ABHD13: variants seen among roughly 807,000 people sequenced by gnomAD.
ABHD13 encodes protein ABHD13.
Under a neutral mutation model 25.2 loss-of-function variants are expected in ABHD13, and 7 were observed. The ratio of observed to expected loss-of-function variants is 0.28; its 90% CI spans 0.16 to 0.52. The LOEUF (loss-of-function observed/expected upper bound fraction) is 0.52. Among genes scored for constraint, ABHD13 ranks in the 20% least tolerant of loss-of-function variants. The pLI is 0.96. For synonymous variants in ABHD13, 133 were observed against 136.1 expected (o/e 0.98, Z 0.16); for missense variants, 302 against 402.7 (o/e 0.75, Z 2.14).
rs1008132034 is a variant in ABHD13, at chr13:108,233,478, C to T, written c.*3246C>T. 6.0e-6 allele frequency: 1 copy of T among 166,134 alleles called. No homozygotes were observed. Among genetic ancestry groups the T allele is most frequent in the African/African-American group, 2.4e-5 (1 of 41,298 alleles). The allele number at this position is 166,134 out of a possible 1,614,324, so 10.3% of individuals were successfully genotyped here. A position where few individuals can be genotyped will look rare whatever the true frequency, so the allele number is the denominator to read the frequency against. ...ATTAAGTCATGATTGAGATACTGAA[C>T]TCTTCCACTCATTCTTCTTTCCCAT... On this transcript the variant is annotated 3_prime_UTR_variant, in exon 2 of 2. Transcript: ENST00000375898.
At chr13:108,221,302 T>C (rs1443586791) in intron 1 of ABHD13, among the ~76,000 whole-genome samples, 1 of 152,238 alleles carries the variant, frequency 6.6e-6, no homozygotes, top group Non-Finnish European at 1.5e-5. Flanking sequence ...AACACCTTGA[T>C]AGCAGCTATT....
Position 108,231,773 on chromosome 13 carries a change from A to G in ABHD13, c.*1541A>G, listed in dbSNP as rs1303644892. Reference sequence around the variant, plus strand: ...TTAATTTAAAACTTTCAATGGAGATAGGGCTAGAAATACTTTTGCCAAATA... The same window carrying G: ...TTAATTTAAAACTTTCAATGGAGATGGGGCTAGAAATACTTTTGCCAAATA... On this transcript the variant is annotated 3_prime_UTR_variant, in exon 2 of 2. Coordinates refer to ENST00000375898, the MANE Select transcript of ABHD13 (RefSeq NM_032859.3). The G allele has an allele frequency of 4.2e-5, 7 of 166,866 alleles. No individual in the cohort carries two copies. The highest frequency in any genetic ancestry group is 7.4e-5 in the Non-Finnish European group (5 of 67,966). 10.3% of individuals were successfully genotyped at this position (166,866 alleles called of 1,614,324 possible).
At chr13:108,219,009 T>TA (rs1226974902) in intron 1 of ABHD13, among the ~76,000 whole-genome samples, 1 of 152,154 alleles carries the variant, frequency 6.6e-6, no homozygotes, top group Non-Finnish European at 1.5e-5. Flanking sequence ...AAACGTATCT[T>TA]AGTGTTCTAT....
At chr13:108,220,284 T>C (rs902181375) in intron 1 of ABHD13, among the ~76,000 whole-genome samples, 1 of 152,046 alleles carries the variant, frequency 6.6e-6, no homozygotes, top group Non-Finnish European at 1.5e-5. Context: ...ACTGCCCTCT[T>C]CTTGGGCACA....
chr13:108,229,734 G>T lies in ABHD13; in HGVS notation c.516G>T (p.Val172=), dbSNP rs1193801746. The change falls in exon 2 of 2, where the codon GTG becomes GTT. Residue 172 remains valine (V), a synonymous_variant. Transcript: ENST00000375898. The surrounding 1 kb of genome is among the most constrained non-coding windows in gnomAD (Gnocchi z 4.7). ...EEGLYLDSEA[V]LDYVMTRPDL... ...GACTCTACTTAGATTCTGAAGCTGT[G>T]TTAGACTACGTGATGACTAGACCTG... is the stretch of plus-strand genomic sequence containing the variant. The T allele has an allele frequency of 6.2e-7, 1 of 1,613,316 alleles. No individual in the cohort carries two copies. Among genetic ancestry groups the T allele is most frequent in the South Asian group, 1.1e-5 (1 of 91,070 alleles).
intron 1 of ABHD13, among the ~76,000 whole-genome samples, chr13:108,228,291 A>G (rs948774810): frequency 2.6e-5 from 4 of 151,904 alleles, no homozygotes; most frequent in Non-Finnish European, 4.4e-5. Context: ...TCTGTTTCTC[A>G]GAGGATTTCT....
At chr13:108,223,977 T>C (rs1220372459) in intron 1 of ABHD13, among the ~76,000 whole-genome samples, 1 of 152,196 alleles carries the variant, frequency 6.6e-6, no homozygotes, top group Non-Finnish European at 1.5e-5. Flanking sequence ...TGGAAAGTAA[T>C]AGAGATTCTT....
At chr13:108,221,771 T>C (rs570586048) in intron 1 of ABHD13, among the ~76,000 whole-genome samples, 1 of 152,206 alleles carries the variant, frequency 6.6e-6, no homozygotes, top group Non-Finnish European at 1.5e-5. Context: ...TGCACTTTTT[T>C]GTATTTTTAA....
At chr13:108,219,330 C>T (rs1306850416) in intron 1 of ABHD13, among the ~76,000 whole-genome samples, 1 of 151,818 alleles carries the variant, frequency 6.6e-6, no homozygotes, top group Admixed American at 6.5e-5. Context: ...GGTATCGAAA[C>T]CAAAAAAAAG....
chr13:108,226,435 T>G (rs573263122), intron 1 of ABHD13, among the ~76,000 whole-genome samples: 1 of 152,188 alleles, frequency 6.6e-6, no homozygotes, highest in Non-Finnish European at 1.5e-5. Context: ...TCAGTCCAGA[T>G]GTAGCTCATC....
rs1310650483 is a variant in ABHD13, at chr13:108,232,980, A to G, written c.*2748A>G. On this transcript the variant is annotated 3_prime_UTR_variant, in exon 2 of 2. Coordinates refer to ENST00000375898, the MANE Select transcript of ABHD13 (RefSeq NM_032859.3). ...TTAATGAGATTGGTGAAAGGAAATC[A>G]TGCAAAACATTTGAATGCAAAGCAT... 1 of 166,926 alleles carries G rather than the reference A, an allele frequency of 6.0e-6. No individual in the cohort carries two copies. Among genetic ancestry groups the G allele is most frequent in the East Asian group, 1.9e-4 (1 of 5,204 alleles). The allele number at this position is 166,926 out of a possible 1,614,324, so 10.3% of individuals were successfully genotyped here.
rs557743245 is a variant in ABHD13 at position 108,230,520 on chromosome 13, G to T, written c.*288G>T. 2.9e-4 allele frequency: 70 copies of T among 242,440 alleles called. No individual in the cohort carries two copies. Among genetic ancestry groups the T allele is most frequent in the Non-Finnish European group, 5.2e-4 (60 of 116,124 alleles). 15.0% of individuals were successfully genotyped at this position (242,440 alleles called of 1,614,324 possible). A position where few individuals can be genotyped will look rare whatever the true frequency, so the allele number is the denominator to read the frequency against. ...TGTTCAAAAGTTTCTTGTTGCTAAA[G>T]TGGTGTAATCTGTTACACAGATGAA... On this transcript the variant is annotated 3_prime_UTR_variant, in exon 2 of 2. Transcript: ENST00000375898.
rs193072720 is a variant in ABHD13, at chr13:108,225,139, A to C, written c.-20-4060A>C. Among the ~76,000 whole-genome samples the C allele has an allele frequency of 1.7e-4, 26 of 152,302 alleles. No homozygotes were observed. The East Asian group carries it at 5.0e-3, about 29-fold the overall frequency. On this transcript the variant is annotated intron_variant, in intron 1 of 1. Coordinates refer to ENST00000375898, the MANE Select transcript of ABHD13 (RefSeq NM_032859.3). ...AGCTACATATCCTGGGTTTTTAAAAAATGTATTTGTTTACACATCATGCTT... is the reference window on the plus strand; with the variant it reads ...AGCTACATATCCTGGGTTTTTAAAACATGTATTTGTTTACACATCATGCTT...
At chr13:108,220,958 T>G (rs183876520) in intron 1 of ABHD13, among the ~76,000 whole-genome samples, 14 of 152,372 alleles carry the variant, frequency 9.2e-5, no homozygotes, top group African/African-American at 3.4e-4. Flanking sequence ...GTTTTAAACA[T>G]TTCAGATATT....
At position 108,228,971 on chromosome 13, in the gene ABHD13, A is replaced by G. The variant is rs141774392; in HGVS notation, c.-20-228A>G. On this transcript the variant is annotated intron_variant, in intron 1 of 1. Coordinates refer to ENST00000375898, the MANE Select transcript of ABHD13 (RefSeq NM_032859.3). ...CACTTGTTAAAAATGAGTTAATTTG[A>G]AGAATATTAGTGTTTCCTAAATATG... Among the ~76,000 whole-genome samples, 342 of 152,096 alleles carry G rather than the reference A, an allele frequency of 2.2e-3. 1 individual carries two copies. Among genetic ancestry groups the G allele is most frequent in the African/African-American group, 7.9e-3 (327 of 41,538 alleles).
chr13:108,224,901 A>G (rs566423926), intron 1 of ABHD13, among the ~76,000 whole-genome samples: 33 of 152,322 alleles, frequency 2.2e-4, no homozygotes, highest in African/African-American at 7.0e-4. Context: ...TTCTTGTAAA[A>G]GGAAAACAAT....
intron 1 of ABHD13, among the ~76,000 whole-genome samples, chr13:108,219,785 A>C (rs1003302220): frequency 2.6e-5 from 4 of 152,232 alleles, no homozygotes; most frequent in Admixed American, 2.0e-4. Context: ...AAACTACAGA[A>C]TGTGGAATGG....
At chr13:108,226,347 A>G (rs1019063357) in intron 1 of ABHD13, among the ~76,000 whole-genome samples, 1 of 152,122 alleles carries the variant, frequency 6.6e-6, no homozygotes, top group African/African-American at 2.4e-5. Context: ...TGACAAGCCA[A>G]TTACAGGTCG....
In ABHD13 at chr13:108,229,187, C is replaced by T; in HGVS notation, c.-20-12C>T. ...ACGTTGAATTATTGATATTCTCCCT[C>T]TCTCTCTCTAGGATACTTACAGAGA... On this transcript the variant is annotated splice_polypyrimidine_tract_variant and intron_variant, in intron 1 of 1. Transcript: ENST00000375898. The surrounding 1 kb of genome is among the most constrained non-coding windows in gnomAD (Gnocchi z 4.7). The T allele has an allele frequency of 2.0e-6, 3 of 1,492,568 alleles. No individual in the cohort carries two copies. The South Asian group carries it at 4.2e-5, about 21-fold the overall frequency. 92.5% of individuals were successfully genotyped at this position (1,492,568 alleles called of 1,614,324 possible).
Sources: allele counts gnomAD v4.1 joint callset (sites outside exome capture counted in the v4.1 genomes callset), GRCh38; gene constraint gnomAD v4.1.1; non-coding constraint Gnocchi (gnomAD v3.1); transcripts MANE v1.5; gene names NCBI Gene and HGNC (gene_info 2026-07-23, HGNC 2026-07-21).